ZNF585A: variants seen among roughly 807,000 people sequenced by gnomAD.
ZNF585A encodes the protein zinc finger protein 585A.
ZNF585A carries 9 observed loss-of-function variants against 14.9 expected under a neutral mutation model. The ratio of observed to expected loss-of-function variants is 0.60; its 90% CI spans 0.36 to 1.05. The LOEUF is 1.05. Ranked by LOEUF, ZNF585A falls within the 50% of genes least tolerant of loss-of-function variation. The probability of loss-of-function intolerance (pLI) is 0.01; values close to 1 mark genes in which losing one functional copy is unlikely to be tolerated. For synonymous variants in ZNF585A, 276 were observed against 319.9 expected (o/e 0.86, Z 1.46); for missense variants, 726 against 926.4 (o/e 0.78, Z 2.81).
intron 2 of ZNF585A, among the ~76,000 whole-genome samples, chr19:37,168,534 A>C (rs1972132377): frequency 6.6e-6 from 1 of 152,238 alleles, no homozygotes; most frequent in African/African-American, 2.4e-5. Context: ...CTGCATAAGG[A>C]AAGTGACTGC....
At chr19:37,155,407 T>C (rs1366550320) in intron 4 of ZNF585A, among the ~76,000 whole-genome samples, 3 of 151,708 alleles carry the variant, frequency 2.0e-5, no homozygotes, top group Non-Finnish European at 2.9e-5. Context: ...TCCCAGCACT[T>C]TGGGAGGCCT....
At chr19:37,155,347 G>A (rs560080295) in intron 4 of ZNF585A, among the ~76,000 whole-genome samples, 2 of 151,334 alleles carry the variant, frequency 1.3e-5, no homozygotes, top group Non-Finnish European at 2.9e-5. Flanking sequence ...AGCCAAAGAA[G>A]AACACAGAAG....
At position 37,170,029 on chromosome 19, in the gene ZNF585A, G is replaced by C; in HGVS notation, c.-119C>G. On this transcript the variant is annotated 5_prime_UTR_variant, in exon 2 of 5. Transcript: ENST00000292841. ...GGAGTCTAGAGGAAAATCTGGCCCAGGGGCTCCCCAGAGACACCCAGAAAC... is the reference window on the plus strand; with the variant it reads ...GGAGTCTAGAGGAAAATCTGGCCCACGGGCTCCCCAGAGACACCCAGAAAC... The C allele has an allele frequency of 7.9e-7, 1 of 1,266,348 alleles. No individual in the cohort carries two copies. Among genetic ancestry groups the C allele is most frequent in the Non-Finnish European group, 1.1e-6 (1 of 918,038 alleles). 78.4% of individuals were successfully genotyped at this position (1,266,348 alleles called of 1,614,324 possible). A position where few individuals can be genotyped will look rare whatever the true frequency, so the allele number is the denominator to read the frequency against.
At chr19:37,160,929 G>A (rs551832030) in intron 2 of ZNF585A, among the ~76,000 whole-genome samples, 7 of 152,006 alleles carry the variant, frequency 4.6e-5, no homozygotes, top group South Asian at 4.1e-4. Flanking sequence ...GAGCAGTGGC[G>A]TGATCATCGG....
rs779348254 is a variant in ZNF585A at position 37,153,564 on chromosome 19, C to G, written c.335G>C (p.Ser112Thr). 7.0e-5 allele frequency: 113 copies of G among 1,613,656 alleles called. No individual in the cohort carries two copies. Among genetic ancestry groups the G allele is most frequent in the Non-Finnish European group, 8.5e-5 (100 of 1,179,956 alleles). The change falls in exon 5 of 5, where the codon AGT (serine) becomes ACT (threonine). Residue 112 changes from serine to threonine, a missense_variant. Physicochemically the swap from Ser to Thr is moderately conservative, Grantham distance 58. Transcript: ENST00000292841. ...WDHNQCRKIL[S>T]YKQVSSQPQK... Reference sequence around the variant, plus strand: ...AGGTTGAGAGGATACTTGTTTATAACTGAGGATTTTTCTACATTGATTATG... The same window carrying G: ...AGGTTGAGAGGATACTTGTTTATAAGTGAGGATTTTTCTACATTGATTATG...
At chr19:37,160,343 A>AAAATAAAT (rs148963406) in intron 2 of ZNF585A, among the ~76,000 whole-genome samples, 4,258 of 138,882 alleles carry the variant, frequency 0.031, 85 homozygotes, top group Non-Finnish European at 0.042. Context: ...ACCTGTCTCA[A>AAAATAAAT]AAATAAATAA....
At chr19:37,161,338 C>T (rs888542735) in intron 2 of ZNF585A, among the ~76,000 whole-genome samples, 1 of 152,122 alleles carries the variant, frequency 6.6e-6, no homozygotes, top group African/African-American at 2.4e-5. Context: ...TTTCTAACTC[C>T]TTATGAATCT....
At chr19:37,167,650 C>T (rs993211623) in intron 2 of ZNF585A, among the ~76,000 whole-genome samples, 2 of 144,854 alleles carry the variant, frequency 1.4e-5, no homozygotes, top group Non-Finnish European at 3.0e-5. Flanking sequence ...GAGATGGAGT[C>T]TCGCCCTGTC....
Position 37,146,231 on chromosome 19 carries a change from A to G in ZNF585A, c.*5358T>C, listed in dbSNP as rs1049389130. The G allele has an allele frequency of 1.3e-5, 2 of 152,006 alleles. No individual in the cohort carries two copies. Among genetic ancestry groups the G allele is most frequent in the African/African-American group, 4.8e-5 (2 of 41,370 alleles). The allele number at this position is 152,006 out of a possible 1,614,324, so 9.4% of individuals were successfully genotyped here. ...CCCCATCTCTACTAAAAATACAAAA[A>G]ATTAGCTGGGTGTGGTGGTGGGTGC... On this transcript the variant is annotated 3_prime_UTR_variant, in exon 5 of 5. Coordinates refer to ENST00000292841, the MANE Select transcript of ZNF585A (RefSeq NM_001288800.2).
At chr19:37,163,483 T>A in intron 2 of ZNF585A, among the ~76,000 whole-genome samples, 1 of 143,958 alleles carries the variant, frequency 6.9e-6, no homozygotes, top group African/African-American at 2.5e-5. Context: ...AAAGTCTCCC[T>A]GAAAAAAATG....
rs1971848918 is a variant in ZNF585A, at chr19:37,152,451, G to T, written c.1448C>A (p.Thr483Lys). ...CTCTCCTGTATGAGTTTTCTGATGT[G>T]TAATGAGATTTGACCGGTTGGTGAA... ...KAFTNRSNLI[T>K]HQKTHTGEKS... The change falls in exon 5 of 5, where the codon ACA becomes AAA. Residue 483 changes from threonine (T) to lysine (K), a missense_variant. Physicochemically the swap from Thr to Lys is moderately conservative, Grantham distance 78 (BLOSUM62 -1). Coordinates refer to ENST00000292841, the MANE Select transcript of ZNF585A (RefSeq NM_001288800.2). 2.5e-6 allele frequency: 4 copies of T among 1,614,014 alleles called. No individual in the cohort carries two copies. The East Asian group carries it at 8.9e-5, about 36-fold the overall frequency.
chr19:37,170,223 C>G (rs1221347070), intron 1 of ZNF585A, among the ~76,000 whole-genome samples, 169 bp from the exon 2 acceptor site: 3 of 152,170 alleles, frequency 2.0e-5, no homozygotes, highest in Non-Finnish European at 4.4e-5. Flanking sequence ...GTTAAAAATT[C>G]TCAGCCTACT....
chr19:37,156,450 A>C, intron 2 of ZNF585A, 95 bp from the exon 3 acceptor site: 1 of 1,432,650 alleles, frequency 7.0e-7, no homozygotes, highest in Non-Finnish European at 9.3e-7. Flanking sequence ...TGTTGTTTTA[A>C]ATTTACATTC....
intron 2 of ZNF585A, among the ~76,000 whole-genome samples, chr19:37,161,154 A>G (rs73622774): frequency 0.01 from 1,481 of 143,896 alleles, 25 homozygotes; most frequent in African/African-American, 0.037. Context: ...TATTACTCCA[A>G]TGTCAAAATC....
intron 2 of ZNF585A, among the ~76,000 whole-genome samples, chr19:37,157,832 AT>A (rs372837617): frequency 0.037 from 5,498 of 147,658 alleles, 302 homozygotes; most frequent in African/African-American, 0.13. Context: ...TTATATGTAA[AT>A]TTTTTTTAAG....
rs890313953 is a variant in ZNF585A at position 37,152,049 on chromosome 19, G to A, written c.1850C>T (p.Ser617Phe). 5.0e-6 allele frequency: 8 copies of A among 1,594,472 alleles called. No homozygotes were observed. Among genetic ancestry groups the A allele is most frequent in the Admixed American group, 3.5e-5 (2 of 57,030 alleles). ...CTGATGCACCAGGAGCTGAGACTTG[G>A]AGGTAAAGGACTTCCCACAGTCACT... Reference protein sequence around the residue: ...ECSDCGKSFTSKSQLLVHQPV... With the variant: ...ECSDCGKSFTFKSQLLVHQPV... Residue 617 changes from serine to phenylalanine, a missense_variant, in exon 5 of 5, where the codon TCC (serine) becomes TTC (phenylalanine). Around this residue, in one of 2 missense-constraint regions of ZNF585A, gnomAD observed 243 missense variants for 383.6 expected, o/e 0.63. Coordinates refer to ENST00000292841, the MANE Select transcript of ZNF585A (RefSeq NM_001288800.2).
At chr19:37,170,813 C>T (rs1455818047) in intron 1 of ZNF585A, among the ~76,000 whole-genome samples, 5 of 152,194 alleles carry the variant, frequency 3.3e-5, no homozygotes, top group African/African-American at 9.7e-5. Flanking sequence ...GATGAAAATG[C>T]TTATCTCAAA....
intron 2 of ZNF585A, among the ~76,000 whole-genome samples, chr19:37,169,384 A>G (rs11671112): frequency 0.24 from 36,394 of 151,030 alleles, 5,093 homozygotes; most frequent in Non-Finnish European, 0.32. Flanking sequence ...AAAGAAATAG[A>G]AAACAGTAGA....
rs1469684211 is a variant in ZNF585A, at chr19:37,153,141, T to C, written c.758A>G (p.Gln253Arg). 6.2e-7 allele frequency: 1 copy of C among 1,614,164 alleles called. No individual in the cohort carries two copies. The highest frequency in any genetic ancestry group is 1.1e-5 in the South Asian group (1 of 91,086). ...ECTDCGKAFTQKSTLKMHQKI... is the reference protein window; with the variant it reads ...ECTDCGKAFTRKSTLKMHQKI... Reference sequence around the variant, plus strand: ...CTGATGCATCTTGAGTGTGGACTTTTGTGTGAATGCTTTGCCACAGTCAGT... The same window carrying C: ...CTGATGCATCTTGAGTGTGGACTTTCGTGTGAATGCTTTGCCACAGTCAGT... Residue 253 changes from glutamine (Q) to arginine (R), a missense_variant, in exon 5 of 5, where the codon CAA (glutamine) becomes CGA (arginine). This residue lies in a region of ZNF585A where 483 missense variants were observed against 542.8 expected (regional missense o/e 0.89). Coordinates refer to ENST00000292841, the MANE Select transcript of ZNF585A (RefSeq NM_001288800.2).
Sources: allele counts gnomAD v4.1 joint callset (sites outside exome capture counted in the v4.1 genomes callset), GRCh38; gene constraint gnomAD v4.1.1; regional missense constraint gnomAD v4.1.1; transcripts MANE v1.5; gene names NCBI Gene and HGNC (gene_info 2026-07-23, HGNC 2026-07-21).